PLD1: variants seen among roughly 807,000 people sequenced by gnomAD.
The protein encoded by PLD1 is choline phosphatase 1.
Under a neutral mutation model 137.1 loss-of-function variants are expected in PLD1, and 112 were observed. The observed-to-expected ratio is 0.82, with a 90% confidence interval of 0.70 to 0.96. The LOEUF (loss-of-function observed/expected upper bound fraction) is 0.96, where lower values mean the gene tolerates loss of function less well. PLD1 is among the 40% of genes least tolerant of loss of function. The pLI is 0.00. For missense variants in PLD1, 1,321 were observed against 1,342.0 expected (o/e 0.98, Z 0.24); for synonymous variants, 431 against 454.7 (o/e 0.95, Z 0.66).
intron 11 of PLD1, among the ~76,000 whole-genome samples, chr3:171,702,033 A>G (rs1251286278): frequency 6.6e-6 from 1 of 152,238 alleles, no homozygotes; most frequent in South Asian, 2.1e-4. Flanking sequence ...AAAAGAAGAC[A>G]TTAAACCCAA....
In PLD1 at chr3:171,633,063, A is replaced by G. The variant is rs1185597081; in HGVS notation, c.2593+9777T>C. Among the ~76,000 whole-genome samples, 5 of 152,248 alleles carry G rather than the reference A, an allele frequency of 3.3e-5. No individual in the cohort carries two copies. In the South Asian group the frequency reaches 1.0e-3, roughly 32 times the overall value. Reference sequence around the variant, plus strand: ...AAGAAAGATAATGGTTCCTAGCCAGAAAGTAGACATTTTGGACAAATGCGA... The same window carrying G: ...AAGAAAGATAATGGTTCCTAGCCAGGAAGTAGACATTTTGGACAAATGCGA... On this transcript the variant is annotated intron_variant, in intron 23 of 26. Transcript: ENST00000351298.
At chr3:171,629,223 C>A (rs1198334488) in intron 23 of PLD1, among the ~76,000 whole-genome samples, 8 of 152,020 alleles carry the variant, frequency 5.3e-5, no homozygotes, top group Admixed American at 1.3e-4. Flanking sequence ...CAATAACAGA[C>A]AAACAGAAAC....
chr3:171,620,307 G>A, intron 24 of PLD1, 79 bp downstream of exon 24: 11 of 1,005,338 alleles, frequency 1.1e-5, no homozygotes, highest in Middle Eastern at 2.2e-4. Flanking sequence ...GGATGCTTAG[G>A]AGGAATAGCA....
At chr3:171,669,162 G>T (rs1278358735) in intron 19 of PLD1, among the ~76,000 whole-genome samples, 3 of 152,118 alleles carry the variant, frequency 2.0e-5, no homozygotes, top group African/African-American at 7.2e-5. Flanking sequence ...CCTCTCCCTG[G>T]CTGGCTGTGT....
chr3:171,693,316 GA>G, intron 12 of PLD1, among the ~76,000 whole-genome samples: 1 of 152,122 alleles, frequency 6.6e-6, no homozygotes, highest in East Asian at 1.9e-4. Context: ...CATCTCATCT[GA>G]AAAAAAGATT....
intron 23 of PLD1, among the ~76,000 whole-genome samples, chr3:171,629,466 C>T (rs964948988): frequency 6.6e-5 from 10 of 152,206 alleles, no homozygotes; most frequent in African/African-American, 2.4e-4. Context: ...CAATGCCATC[C>T]CCATCAAGCT....
Position 171,688,873 on chromosome 3 carries a change from T to A in PLD1, c.1342A>T (p.Met448Leu), listed in dbSNP as rs890086762. The A allele has an allele frequency of 6.2e-7, 1 of 1,611,896 alleles. No homozygotes were observed. The highest frequency in any genetic ancestry group is 8.5e-7 in the Non-Finnish European group (1 of 1,178,038). The change falls in exon 14 of 27, where the codon ATG (methionine) becomes TTG (leucine). Residue 448 changes from methionine to leucine, a missense_variant. Transcript: ENST00000351298. ...LMRLHPNIKV[M>L]RHPDHVSSTV... ...GATGACACATGATCCGGGTGTCTCA[T>A]CACCTTGAGAGGGAATAATCCCCAC...
intron 25 of PLD1, among the ~76,000 whole-genome samples, chr3:171,606,906 G>A (rs907374799): frequency 6.6e-6 from 1 of 152,108 alleles, no homozygotes; most frequent in African/African-American, 2.4e-5. Context: ...GAATTCCTGG[G>A]TCAGAGAATA....
At chr3:171,720,054 G>T (rs894715145) in intron 8 of PLD1, among the ~76,000 whole-genome samples, 1 of 152,228 alleles carries the variant, frequency 6.6e-6, no homozygotes, top group East Asian at 1.9e-4. Context: ...CAGCACTTTG[G>T]AAGGCCAAGG....
intron 16 of PLD1, among the ~76,000 whole-genome samples, chr3:171,678,924 C>T (rs1471239527): frequency 1.3e-5 from 2 of 152,156 alleles, no homozygotes; most frequent in African/African-American, 4.8e-5. Context: ...ACCTGAAATG[C>T]TCCTTTCTCC....
chr3:171,696,343 A>C (rs1185042495), intron 12 of PLD1, among the ~76,000 whole-genome samples: 1 of 152,200 alleles, frequency 6.6e-6, no homozygotes, highest in Admixed American at 6.5e-5. Context: ...ATTGGCTTTT[A>C]TTATTTTAAA....
intron 1 of PLD1, among the ~76,000 whole-genome samples, chr3:171,806,559 C>T (rs1257442632): frequency 3.3e-5 from 5 of 152,218 alleles, no homozygotes; most frequent in South Asian, 2.1e-4. Context: ...AAACACAAAA[C>T]CAGACCTTGC....
chr3:171,768,545 T>C (rs929797388), intron 1 of PLD1, among the ~76,000 whole-genome samples: 4 of 152,262 alleles, frequency 2.6e-5, no homozygotes. Context: ...GTCCATCAGG[T>C]GAAAATCTAC....
intron 23 of PLD1, among the ~76,000 whole-genome samples, chr3:171,642,597 A>G (rs991223009): frequency 6.6e-6 from 1 of 151,954 alleles, no homozygotes; most frequent in Non-Finnish European, 1.5e-5. Flanking sequence ...AACTATATAT[A>G]AATAAAAATA....
chr3:171,699,295 C>T (rs138598084), intron 12 of PLD1, among the ~76,000 whole-genome samples: 2 of 152,288 alleles, frequency 1.3e-5, no homozygotes, highest in East Asian at 3.9e-4. Context: ...AAAACACCAC[C>T]AACTGTGACT....
intron 1 of PLD1, among the ~76,000 whole-genome samples, chr3:171,800,344 G>A (rs562213836): frequency 6.6e-6 from 1 of 152,216 alleles, no homozygotes; most frequent in East Asian, 1.9e-4. Flanking sequence ...AAGTAGCTGT[G>A]ATTACAGGTG....
rs9290434 is a variant in PLD1, at chr3:171,735,908, C to A, written c.289-271G>T. Reference sequence around the variant, plus strand: ...TTCCTCCAACATATGTGCGTGTATGCATCCACGCACACACACACCTGAAAT... The same window carrying A: ...TTCCTCCAACATATGTGCGTGTATGAATCCACGCACACACACACCTGAAAT... On this transcript the variant is annotated intron_variant, in intron 3 of 26. Transcript: ENST00000351298. Among the ~76,000 whole-genome samples, 908 of 152,274 alleles carry A rather than the reference C, an allele frequency of 6.0e-3. 7 individuals carry two copies. The highest frequency in any genetic ancestry group is 0.017 in the African/African-American group (690 of 41,556).
chr3:171,726,035 A>G lies in PLD1; in HGVS notation c.648T>C (p.Asp216=). 2 of 1,612,494 alleles carry G rather than the reference A, an allele frequency of 1.2e-6. No homozygotes were observed. Among genetic ancestry groups the G allele is most frequent in the Non-Finnish European group, 1.7e-6 (2 of 1,178,508 alleles). Residue 216 remains aspartate (D), a synonymous_variant, in exon 7 of 27, where the codon GAT becomes GAC. Coordinates refer to ENST00000351298, the MANE Select transcript of PLD1 (RefSeq NM_002662.5). ...CAACTTACATGCCCTTTGGTCCCAA[A>G]TCATGGATGAAAGACAGCTGGCTTA... The part of the protein sequence containing the change: ...LDISQLSFIH[D]LGPKGIEGMI...
At chr3:171,806,977 C>T (rs1045767826) in intron 1 of PLD1, among the ~76,000 whole-genome samples, 4 of 152,206 alleles carry the variant, frequency 2.6e-5, no homozygotes, top group African/African-American at 9.7e-5. Flanking sequence ...ATTTGTTAAA[C>T]AGTCTGGCTA....
Sources: allele counts gnomAD v4.1 joint callset (sites outside exome capture counted in the v4.1 genomes callset), GRCh38; gene constraint gnomAD v4.1.1; transcripts MANE v1.5; gene names NCBI Gene and HGNC (gene_info 2026-07-23, HGNC 2026-07-21).